The following JAGN1 variants were observed in gnomAD, a reference collection of about 807,000 sequenced individuals.
JAGN1 encodes the protein jagunal vesicle mediated transporter 1.
JAGN1 carries 13 observed loss-of-function variants against 17.1 expected under a neutral mutation model. The observed-to-expected ratio is 0.76, with a 90% CI of 0.49 to 1.21. The LOEUF is 1.21. JAGN1 is among the 50% of genes most tolerant of loss of function. The pLI, the probability that JAGN1 is intolerant of heterozygous loss-of-function variation, is 0.00. For synonymous variants in JAGN1, 111 were observed against 91.0 expected (o/e 1.22, Z -1.25); for missense variants, 256 against 234.2 (o/e 1.09, Z -0.61).
intron 1 of JAGN1, among the ~76,000 whole-genome samples, chr3:9,891,855 T>A (rs1406835084): frequency 1.3e-5 from 2 of 152,084 alleles, no homozygotes; most frequent in African/African-American, 4.8e-5. Context: ...AGTATGTACT[T>A]CTTTTGGATG....
chr3:9,893,209 G>C lies in JAGN1; in HGVS notation c.384G>C (p.Gln128His), dbSNP rs373364243. The C allele has an allele frequency of 6.2e-7, 1 of 1,614,204 alleles. No homozygotes were observed. The highest frequency in any genetic ancestry group is 8.5e-7 in the Non-Finnish European group (1 of 1,180,032). The change falls in exon 2 of 2, where the codon CAG (glutamine) becomes CAC (histidine). Residue 128 changes from glutamine (Q) to histidine (H), a missense_variant. By Grantham distance (24) the Gln-to-His change is conservative. Coordinates refer to ENST00000647897, the MANE Select transcript of JAGN1 (RefSeq NM_032492.4). ...GSMEMFPAAQQLYRHGKAYRF... is the reference protein window; with the variant it reads ...GSMEMFPAAQHLYRHGKAYRF... ...TGGAGATGTTCCCTGCTGCACAGCA[G>C]CTCTACCGCCATGGCAAGGCCTACC...
rs1361943627 is a variant in JAGN1, at chr3:9,893,312, T to G, written c.487T>G (p.Leu163Val). The change falls in exon 2 of 2, where the codon TTG (leucine) becomes GTG (valine). Residue 163 changes from leucine to valine, a missense_variant. Coordinates refer to ENST00000647897, the MANE Select transcript of JAGN1 (RefSeq NM_032492.4). ...GGCAGTGCAAGTGCATGCCTGGCAG[T>G]TGTACTACAGCAAGAAGCTCCTAGA... ...VLAVQVHAWQ[L>V]YYSKKLLDSW... 1 of 1,614,088 alleles carries G rather than the reference T, an allele frequency of 6.2e-7. No individual in the cohort carries two copies. Among genetic ancestry groups the G allele is most frequent in the African/African-American group, 1.3e-5 (1 of 74,936 alleles).
In JAGN1 at chr3:9,893,345, T is replaced by G; in HGVS notation, c.520T>G (p.Phe174Val). 2 of 1,613,896 alleles carry G rather than the reference T, an allele frequency of 1.2e-6. No homozygotes were observed. Among genetic ancestry groups the G allele is most frequent in the Non-Finnish European group, 1.7e-6 (2 of 1,179,876 alleles). ...CAGCAAGAAGCTCCTAGACTCTTGG[T>G]TCACCAGCACACAGGAGAAGAAGCA... Reference protein sequence around the residue: ...YYSKKLLDSWFTSTQEKKHK With the variant: ...YYSKKLLDSWVTSTQEKKHK Residue 174 changes from phenylalanine (F) to valine (V), a missense_variant, in exon 2 of 2, where the codon TTC (phenylalanine) becomes GTC (valine). Physicochemically the swap from Phe to Val is conservative, Grantham distance 50. Coordinates refer to ENST00000647897, the MANE Select transcript of JAGN1 (RefSeq NM_032492.4).
rs762370289 is a variant in JAGN1 at position 9,892,906 on chromosome 3, G to C, written c.90-9G>C. 13 of 1,588,058 alleles carry C rather than the reference G, an allele frequency of 8.2e-6. No homozygotes were observed. In the South Asian group the frequency reaches 1.3e-4, roughly 16 times the overall value. On this transcript the variant is annotated splice_polypyrimidine_tract_variant and intron_variant, in intron 1 of 1. Coordinates refer to ENST00000647897, the MANE Select transcript of JAGN1 (RefSeq NM_032492.4). ...TGAAAGATACTTCTCCCTCTGCTCT[G>C]CCCCACAGTGTGACTCTCAAGTATG...
chr3:9,891,873 C>T (rs991744424), intron 1 of JAGN1, among the ~76,000 whole-genome samples: 3 of 152,138 alleles, frequency 2.0e-5, no homozygotes, highest in African/African-American at 7.2e-5. Flanking sequence ...ATGAAAAAAT[C>T]TAGCTGGAGA....
In JAGN1 at chr3:9,890,673, G is replaced by A. The variant is rs1033834612; in HGVS notation, c.-50G>A. The stretch of plus-strand genomic sequence containing the variant: ...GGTCAGTGGGCCGCTTGGCGGTGTC[G>A]TTGCGGTACCAGGTCCGCGTGAGGG... On this transcript the variant is annotated 5_prime_UTR_variant, in exon 1 of 2. Transcript: ENST00000647897. The A allele has an allele frequency of 1.9e-6, 3 of 1,544,100 alleles. No homozygotes were observed. The highest frequency in any genetic ancestry group is 1.9e-5 in the Admixed American group (1 of 51,962).
chr3:9,890,685 G>T lies in JAGN1; in HGVS notation c.-38G>T. On this transcript the variant is annotated 5_prime_UTR_variant, in exon 1 of 2. The change creates a new upstream start codon in the 5' untranslated region. Coordinates refer to ENST00000647897, the MANE Select transcript of JAGN1 (RefSeq NM_032492.4). ...GCTTGGCGGTGTCGTTGCGGTACCA[G>T]GTCCGCGTGAGGGGTTCGGGGGTTC... 1 of 1,576,444 alleles carries T rather than the reference G, an allele frequency of 6.3e-7. No homozygotes were observed. Among genetic ancestry groups the T allele is most frequent in the Non-Finnish European group, 8.6e-7 (1 of 1,158,932 alleles).
rs1315081177 is a variant in JAGN1 at position 9,890,745 on chromosome 3, G to A, written c.23G>A (p.Arg8Gln). 3.1e-6 allele frequency: 5 copies of A among 1,609,422 alleles called. No homozygotes were observed. Among genetic ancestry groups the A allele is most frequent in the Admixed American group, 1.7e-5 (1 of 59,356 alleles). ...ACAATGGCGTCTCGAGCAGGCCCGC[G>A]AGCGGCCGGCACCGACGGCAGCGAC... is the stretch of plus-strand genomic sequence containing the variant. MASRAGP[R>Q]AAGTDGSDFQ... Residue 8 changes from arginine (R) to glutamine (Q), a missense_variant, in exon 1 of 2, where the codon CGA becomes CAA. Arg to Gln is a conservative substitution (Grantham distance 43, BLOSUM62 1). Coordinates refer to ENST00000647897, the MANE Select transcript of JAGN1 (RefSeq NM_032492.4).
Position 9,893,546 on chromosome 3 carries a change from A to C in JAGN1, c.*169A>C. On this transcript the variant is annotated 3_prime_UTR_variant, in exon 2 of 2. Transcript: ENST00000647897. ...CCATCTGCTGAGGTGGCAAAACTAT[A>C]ATTTATTCCTGGTTGGCTAGAACTG... 1 of 589,602 alleles carries C rather than the reference A, an allele frequency of 1.7e-6. No individual in the cohort carries two copies. Among genetic ancestry groups the C allele is most frequent in the Non-Finnish European group, 2.9e-6 (1 of 339,882 alleles). The allele number at this position is 589,602 out of a possible 1,614,324, so 36.5% of individuals were successfully genotyped here.
At chr3:9,892,681 C>T (rs1424484849) in intron 1 of JAGN1, 5 of 533,064 alleles carry the variant, frequency 9.4e-6, no homozygotes, top group Middle Eastern at 5.0e-4. Context: ...CTCTGACATT[C>T]CATGCCAGGC....
In JAGN1 at chr3:9,893,195, C is replaced by T; in HGVS notation, c.370C>T (p.Pro124Ser). 6.2e-7 allele frequency: 1 copy of T among 1,614,190 alleles called. No homozygotes were observed. The highest frequency in any genetic ancestry group is 8.5e-7 in the Non-Finnish European group (1 of 1,180,034). The change falls in exon 2 of 2, where the codon CCT (proline) becomes TCT (serine). Residue 124 changes from proline (P) to serine (S), a missense_variant. Physicochemically the swap from Pro to Ser is moderately conservative, Grantham distance 74. Transcript: ENST00000647897. ...CATTTATGGCAGCATGGAGATGTTC[C>T]CTGCTGCACAGCAGCTCTACCGCCA... ...PLIYGSMEMFPAAQQLYRHGK... is the reference protein window; with the variant it reads ...PLIYGSMEMFSAAQQLYRHGK...
intron 1 of JAGN1, among the ~76,000 whole-genome samples, chr3:9,891,777 A>G (rs1440022670): frequency 1.3e-5 from 2 of 152,170 alleles, no homozygotes; most frequent in Non-Finnish European, 2.9e-5. Context: ...AGCCCAGAGT[A>G]GAAACATTGC....
chr3:9,893,356 A>T lies in JAGN1; in HGVS notation c.531A>T (p.Thr177=), dbSNP rs767709484. 6.2e-7 allele frequency: 1 copy of T among 1,612,416 alleles called. No homozygotes were observed. Among genetic ancestry groups the T allele is most frequent in the Admixed American group, 1.7e-5 (1 of 59,644 alleles). The part of the protein sequence containing the change: ...KKLLDSWFTS[T]QEKKHK ...TCCTAGACTCTTGGTTCACCAGCAC[A>T]CAGGAGAAGAAGCATAAATGAAGCC... The change falls in exon 2 of 2, where the codon ACA becomes ACT. Residue 177 remains threonine, a synonymous_variant. Transcript: ENST00000647897.
rs1368331226 is a variant in JAGN1, at chr3:9,890,671, T to C, written c.-52T>C. The C allele has an allele frequency of 6.5e-6, 10 of 1,535,250 alleles. No homozygotes were observed. The highest frequency in any genetic ancestry group is 8.9e-6 in the Non-Finnish European group (10 of 1,127,452). On this transcript the variant is annotated 5_prime_UTR_variant, in exon 1 of 2. Transcript: ENST00000647897. ...AGGGTCAGTGGGCCGCTTGGCGGTG[T>C]CGTTGCGGTACCAGGTCCGCGTGAG...
At position 9,890,616 on chromosome 3, in the gene JAGN1, A is replaced by G. The variant is rs1486397256; in HGVS notation, c.-107A>G. The stretch of plus-strand genomic sequence containing the variant: ...GACAGAGGGGCCGGAAGTTCTCTTC[A>G]CGGAGCCGCGCGGCTGCGGGGGCGC... On this transcript the variant is annotated 5_prime_UTR_variant, in exon 1 of 2. Transcript: ENST00000647897. 1.1e-4 allele frequency: 118 copies of G among 1,058,506 alleles called. No homozygotes were observed. The Admixed American group carries it at 2.3e-3, about 20-fold the overall frequency. The allele number at this position is 1,058,506 out of a possible 1,614,324, so 65.6% of individuals were successfully genotyped here.
At position 9,893,521 on chromosome 3, in the gene JAGN1, C is replaced by T. The variant is rs779800562; in HGVS notation, c.*144C>T. The T allele has an allele frequency of 1.5e-6, 1 of 667,234 alleles. No individual in the cohort carries two copies. Among genetic ancestry groups the T allele is most frequent in the East Asian group, 2.8e-5 (1 of 36,010 alleles). 41.3% of individuals were successfully genotyped at this position (667,234 alleles called of 1,614,324 possible). A position where few individuals can be genotyped will look rare whatever the true frequency, so the allele number is the denominator to read the frequency against. ...CCAAAGTTCTGGAAAGCTCCTTTTG[C>T]CATCTGCTGAGGTGGCAAAACTATA... On this transcript the variant is annotated 3_prime_UTR_variant, in exon 2 of 2. Coordinates refer to ENST00000647897, the MANE Select transcript of JAGN1 (RefSeq NM_032492.4).
In JAGN1 at chr3:9,893,577, C is replaced by G. The variant is rs1421786554; in HGVS notation, c.*200C>G. 1.8e-6 allele frequency: 1 copy of G among 560,876 alleles called. No individual in the cohort carries two copies. Among genetic ancestry groups the G allele is most frequent in the Non-Finnish European group, 3.1e-6 (1 of 320,002 alleles). The allele number at this position is 560,876 out of a possible 1,614,324, so 34.7% of individuals were successfully genotyped here. ...TTCCTGGTTGGCTAGAACTGGGTGACCAACAGCTATGAAACAAATTTCAGC... is the reference window on the plus strand; with the variant it reads ...TTCCTGGTTGGCTAGAACTGGGTGAGCAACAGCTATGAAACAAATTTCAGC... On this transcript the variant is annotated 3_prime_UTR_variant, in exon 2 of 2. Transcript: ENST00000647897.
Position 9,892,847 on chromosome 3 carries a change from G to C in JAGN1, c.90-68G>C, listed in dbSNP as rs931673377. 3.0e-6 allele frequency: 3 copies of C among 1,016,108 alleles called. No individual in the cohort carries two copies. In the African/African-American group the frequency reaches 4.8e-5, roughly 16 times the overall value. 62.9% of individuals were successfully genotyped at this position (1,016,108 alleles called of 1,614,324 possible). ...AATTTGTATCCCAGTGTCCAGTACAGTTGTCTGGCATATAGTTGGTGGTAA... is the reference window on the plus strand; with the variant it reads ...AATTTGTATCCCAGTGTCCAGTACACTTGTCTGGCATATAGTTGGTGGTAA... On this transcript the variant is annotated intron_variant, in intron 1 of 1. Transcript: ENST00000647897.
chr3:9,892,837 GT>G, intron 1 of JAGN1, 77 bp from the exon 2 acceptor site: 1 of 874,502 alleles, frequency 1.1e-6, no homozygotes, highest in Non-Finnish European at 1.8e-6. Context: ...GTATCCCAGT[GT>G]CCAGTACAGT....
Sources: allele counts gnomAD v4.1 joint callset (sites outside exome capture counted in the v4.1 genomes callset), GRCh38; gene constraint gnomAD v4.1.1; transcripts MANE v1.5; gene names NCBI Gene and HGNC (gene_info 2026-07-23, HGNC 2026-07-21).